DENND5B: variants seen among roughly 807,000 people sequenced by gnomAD.
DENND5B encodes the protein DENN domain containing 5B.
A neutral mutation model predicts 140.6 loss-of-function variants in DENND5B; 34 were observed. The observed-to-expected ratio is 0.24, with a 90% CI of 0.18 to 0.32. The LOEUF is 0.32. DENND5B is among the 10% of genes least tolerant of loss of function. DENND5B has a pLI of 1.00. For missense variants in DENND5B, 1,142 were observed against 1,560.2 expected (o/e 0.73, Z 4.52); for synonymous variants, 551 against 562.1 (o/e 0.98, Z 0.28).
intron 2 of DENND5B, among the ~76,000 whole-genome samples, chr12:31,490,937 A>G (rs958899298): frequency 5.9e-5 from 9 of 152,186 alleles, no homozygotes; most frequent in African/African-American, 1.9e-4. Context: ...CCTAAAATAT[A>G]TTTATGATGT....
chr12:31,464,926 T>C (rs1315200901), intron 3 of DENND5B: 1 of 152,168 alleles, frequency 6.6e-6, no homozygotes, highest in Non-Finnish European at 1.5e-5. Flanking sequence ...ACATGATGAG[T>C]AGCCAGTAAA....
intron 11 of DENND5B, among the ~76,000 whole-genome samples, chr12:31,420,646 G>A (rs1942977737): frequency 6.6e-6 from 1 of 152,098 alleles, no homozygotes; most frequent in Non-Finnish European, 1.5e-5. Flanking sequence ...GTTTCACCAT[G>A]TTGGCCAGGC....
chr12:31,523,221 C>T (rs1947966551), intron 1 of DENND5B, among the ~76,000 whole-genome samples: 1 of 152,010 alleles, frequency 6.6e-6, no homozygotes, highest in Non-Finnish European at 1.5e-5. Flanking sequence ...ACCACACCTG[C>T]CTGGCTAATT....
intron 1 of DENND5B, among the ~76,000 whole-genome samples, chr12:31,528,993 T>G (rs1053008152): frequency 2.6e-5 from 4 of 151,654 alleles, no homozygotes; most frequent in Admixed American, 1.3e-4. Flanking sequence ...AAACCCCGTC[T>G]CTACTAAAAA....
intron 7 of DENND5B, among the ~76,000 whole-genome samples, chr12:31,441,061 G>T (rs1278734331): frequency 6.6e-6 from 1 of 151,856 alleles, no homozygotes; most frequent in African/African-American, 2.4e-5. Flanking sequence ...TTTTTGTAGG[G>T]GCTTGGCCTG....
At chr12:31,441,027 T>C (rs887937055) in intron 7 of DENND5B, among the ~76,000 whole-genome samples, 1 of 151,758 alleles carries the variant, frequency 6.6e-6, no homozygotes, top group Admixed American at 6.6e-5. Context: ...TGAGCCACCA[T>C]GCCTGGCCTA....
At position 31,477,935 on chromosome 12, in the gene DENND5B, A is replaced by G. The variant is rs1945892610; in HGVS notation, c.904+1654T>C. The stretch of plus-strand genomic sequence containing the variant: ...AAGCTCTGCCTCAAGAGCACTGGGG[A>G]ATTAGTGCAGTGGCATCTGAAATCT... On this transcript the variant is annotated intron_variant, in intron 3 of 20. Transcript: ENST00000389082. 1.3e-5 allele frequency: 3 copies of G among 226,604 alleles called. No individual in the cohort carries two copies. The South Asian group carries it at 2.5e-4, about 19-fold the overall frequency. 14.0% of individuals were successfully genotyped at this position (226,604 alleles called of 1,614,324 possible). A position where few individuals can be genotyped will look rare whatever the true frequency, so the allele number is the denominator to read the frequency against.
chr12:31,463,912 C>T (rs985216979), intron 3 of DENND5B, among the ~76,000 whole-genome samples: 3 of 152,206 alleles, frequency 2.0e-5, no homozygotes, highest in East Asian at 1.9e-4. Context: ...AGGTGATCCA[C>T]ACGCCTTTGC....
Position 31,452,440 on chromosome 12 carries a change from T to C in DENND5B, c.1129A>G (p.Ile377Val). ...TGTGGAAATTCTTCAGGCAACTCAA[T>C]AAAATGGTTGTCAATGTCCACAAAA... ...LCFVDIDNHF[I>V]ELPEEFPQFP... is the part of the protein sequence containing the mutation. Residue 377 changes from isoleucine (I) to valine (V), a missense_variant, in exon 5 of 21, where the codon ATT becomes GTT. Ile to Val is a conservative substitution (Grantham distance 29, BLOSUM62 3). Around this residue, in one of 5 missense-constraint regions of DENND5B, gnomAD observed 708 missense variants for 905.5 expected, o/e 0.78. Transcript: ENST00000389082. The C allele has an allele frequency of 6.2e-7, 1 of 1,608,036 alleles. No individual in the cohort carries two copies. Among genetic ancestry groups the C allele is most frequent in the Non-Finnish European group, 8.5e-7 (1 of 1,177,606 alleles).
intron 19 of DENND5B, 141 bp from the exon 20 acceptor site, chr12:31,389,639 T>C: frequency 1.3e-6 from 1 of 747,680 alleles, no homozygotes; most frequent in Non-Finnish European, 2.0e-6. Flanking sequence ...ACTTTATCAT[T>C]GATTTTAGGG....
In DENND5B at chr12:31,455,413, T is replaced by C. The variant is rs538948594; in HGVS notation, c.1093-2937A>G. On this transcript the variant is annotated intron_variant, in intron 4 of 20. Transcript: ENST00000389082. ...TCCCACAAAAGTCTCCTATGTCTGC[T>C]TAAGAAGGGCCCAAGCTGGGGCTTT... is the stretch of plus-strand genomic sequence containing the variant. Among the ~76,000 whole-genome samples, 232 of 152,162 alleles carry C rather than the reference T, an allele frequency of 1.5e-3. 1 individual carries two copies. The highest frequency in any genetic ancestry group is 2.7e-3 in the Non-Finnish European group (183 of 68,022).
intron 1 of DENND5B, among the ~76,000 whole-genome samples, chr12:31,551,994 A>G (rs999161586): frequency 6.6e-6 from 1 of 152,174 alleles, no homozygotes; most frequent in African/African-American, 2.4e-5. Flanking sequence ...TAGATAGACA[A>G]TCATGTTGTC....
At chr12:31,536,142 A>C (rs539009756) in intron 1 of DENND5B, among the ~76,000 whole-genome samples, 1 of 152,280 alleles carries the variant, frequency 6.6e-6, no homozygotes, top group Admixed American at 6.5e-5. Flanking sequence ...CCAGAAGTCG[A>C]GCAGATGTCA....
intron 14 of DENND5B, among the ~76,000 whole-genome samples, chr12:31,404,745 C>T (rs910715248): frequency 1.2e-4 from 17 of 140,010 alleles, no homozygotes; most frequent in Non-Finnish European, 2.3e-4. Flanking sequence ...TAAGCCACCG[C>T]GTCCGACCTC....
chr12:31,514,398 C>T (rs145846493), intron 1 of DENND5B, among the ~76,000 whole-genome samples: 90 of 152,124 alleles, frequency 5.9e-4, no homozygotes, highest in African/African-American at 1.4e-3. Context: ...TGAGAATAAA[C>T]GAATAATTAT....
intron 1 of DENND5B, among the ~76,000 whole-genome samples, chr12:31,565,631 T>C (rs1323836572): frequency 6.6e-6 from 1 of 152,220 alleles, no homozygotes; most frequent in African/African-American, 2.4e-5. Context: ...CCCTGCTCTC[T>C]ATCAGATTTA....
At chr12:31,514,351 G>C (rs146458135) in intron 1 of DENND5B, among the ~76,000 whole-genome samples, 43 of 152,246 alleles carry the variant, frequency 2.8e-4, no homozygotes, top group African/African-American at 9.4e-4. Context: ...CCTCTTAATA[G>C]TGATTTTCTC....
rs574643621 is a variant in DENND5B at position 31,468,816 on chromosome 12, AACC to A, written c.905-8438_905-8436del. ...GACAGGGTGAGGCCCTGTCTCAAAA[AACC>A]AAACAAACAAAAGGAAGTAATATAA... On this transcript the variant is annotated intron_variant, in intron 3 of 20. Coordinates refer to ENST00000389082, the MANE Select transcript of DENND5B (RefSeq NM_144973.4). Among the ~76,000 whole-genome samples the A allele has an allele frequency of 1.7e-3, 174 of 103,266 alleles. 1 individual carries two copies. The highest frequency in any genetic ancestry group is 2.5e-4 in the Non-Finnish European group (13 of 51,076). The allele number at this position is 103,266 out of a possible 152,430, so 67.7% of individuals were successfully genotyped here. A position where few individuals can be genotyped will look rare whatever the true frequency, so the allele number is the denominator to read the frequency against.
intron 13 of DENND5B, among the ~76,000 whole-genome samples, chr12:31,412,975 C>T (rs1942545365): frequency 6.6e-6 from 1 of 152,002 alleles, no homozygotes; most frequent in Non-Finnish European, 1.5e-5. Flanking sequence ...GACTGGAGCG[C>T]AGTGACATGA....
Sources: allele counts gnomAD v4.1 joint callset (sites outside exome capture counted in the v4.1 genomes callset), GRCh38; gene constraint gnomAD v4.1.1; regional missense constraint gnomAD v4.1.1; transcripts MANE v1.5; gene names NCBI Gene and HGNC (gene_info 2026-07-23, HGNC 2026-07-21).